The following USP12 variants were observed in gnomAD, a reference collection of about 807,000 sequenced individuals.
USP12 encodes the protein ubiquitin carboxyl-terminal hydrolase 12.
Under a neutral mutation model 45.5 loss-of-function variants are expected in USP12, and 19 were observed. That is an observed-to-expected ratio of 0.42 (90% CI 0.29 to 0.61). The LOEUF is 0.61. Ranked by LOEUF, USP12 falls within the 20% of genes least tolerant of loss-of-function variation. USP12 has a pLI of 0.22. For missense variants in USP12, 242 were observed against 447.7 expected (o/e 0.54, Z 4.15); for synonymous variants, 149 against 148.8 (o/e 1.00, Z -0.01).
intron 1 of USP12, among the ~76,000 whole-genome samples, chr13:27,165,696 A>G (rs1364939427): frequency 6.6e-6 from 1 of 152,218 alleles, no homozygotes; most frequent in Non-Finnish European, 1.5e-5. Context: ...TGGCAAAGAA[A>G]AAAGTGTCAA....
Position 27,105,850 on chromosome 13 carries a change from C to G in USP12, c.224G>C (p.Arg75Thr). 6.2e-7 allele frequency: 1 copy of G among 1,613,714 alleles called. No homozygotes were observed. Among genetic ancestry groups the G allele is most frequent in the Non-Finnish European group, 8.5e-7 (1 of 1,179,786 alleles). The stretch of plus-strand genomic sequence containing the variant: ...GCATGTAAGAAGGCTCTCCTTTTTC[C>G]TAGGTTGACTCTTATACGCAAGAAC... ...EKVLAYKSQP[R>T]KKESLLTCLA... The change falls in exon 3 of 9, where the codon AGG becomes ACG. Residue 75 changes from arginine to threonine, a missense_variant. Transcript: ENST00000282344.
At chr13:27,139,904 T>C (rs892088718) in intron 1 of USP12, among the ~76,000 whole-genome samples, 3 of 152,220 alleles carry the variant, frequency 2.0e-5, no homozygotes, top group Admixed American at 1.3e-4. Flanking sequence ...CCTTTGTTGT[T>C]CACAGACAAT....
intron 2 of USP12, among the ~76,000 whole-genome samples, chr13:27,115,894 A>G (rs1310232137): frequency 6.6e-6 from 1 of 152,220 alleles, no homozygotes; most frequent in African/African-American, 2.4e-5. Flanking sequence ...TCATTCTCAA[A>G]GAATCAAGAG....
chr13:27,153,662 A>G (rs771945875), intron 1 of USP12, among the ~76,000 whole-genome samples: 1 of 152,120 alleles, frequency 6.6e-6, no homozygotes, highest in Non-Finnish European at 1.5e-5. Context: ...CACTTTTCTG[A>G]TACTGTTCTG....
intron 8 of USP12, 135 bp downstream of exon 8, chr13:27,070,936 T>A: frequency 1.4e-6 from 1 of 702,916 alleles, no homozygotes; most frequent in East Asian, 2.9e-5. Context: ...AAGTAGGAAT[T>A]AGACTACAAT....
chr13:27,156,556 G>A (rs1436723694), intron 1 of USP12, among the ~76,000 whole-genome samples: 3 of 152,154 alleles, frequency 2.0e-5, no homozygotes, highest in South Asian at 2.1e-4. Context: ...AGTGGCTCAC[G>A]CCTGTAATCC....
rs74041149 is a variant in USP12, at chr13:27,095,563, T to G, written c.573+38A>C. The G allele has an allele frequency of 1.9e-3, 2,706 of 1,420,330 alleles. 52 individuals carry two copies. In the African/African-American group the frequency reaches 0.034, roughly 18 times the overall value. The allele number at this position is 1,420,330 out of a possible 1,614,324, so 88.0% of individuals were successfully genotyped here. ...AAAGAACAACCTTTAACATAGTAAT[T>G]CAATTTTTCTCTATACAAAATTGTA... is the stretch of plus-strand genomic sequence containing the variant. On this transcript the variant is annotated intron_variant, in intron 4 of 8. Coordinates refer to ENST00000282344, the MANE Select transcript of USP12 (RefSeq NM_182488.4).
intron 1 of USP12, among the ~76,000 whole-genome samples, chr13:27,138,720 C>T (rs952595982): frequency 1.3e-5 from 2 of 152,088 alleles, no homozygotes; most frequent in African/African-American, 4.8e-5. Context: ...CAATTTTTTT[C>T]GTATTTTCAG....
At chr13:27,071,680 T>C (rs192687945) in intron 7 of USP12, among the ~76,000 whole-genome samples, 2 of 152,268 alleles carry the variant, frequency 1.3e-5, no homozygotes, top group African/African-American at 4.8e-5. Context: ...GCAAATGACC[T>C]TTGCTCAATG....
At chr13:27,091,132 AAAG>A (rs1210846225) in intron 4 of USP12, among the ~76,000 whole-genome samples, 2 of 152,152 alleles carry the variant, frequency 1.3e-5, no homozygotes, top group Non-Finnish European at 2.9e-5. Context: ...GTCTGGTGAA[AAAG>A]AAGAGGGAAC....
chr13:27,100,385 C>T (rs976624725), intron 3 of USP12, among the ~76,000 whole-genome samples: 29 of 152,236 alleles, frequency 1.9e-4, no homozygotes, highest in African/African-American at 6.7e-4. Context: ...TCTAAACAAA[C>T]TCCCTCGCCT....
intron 1 of USP12, among the ~76,000 whole-genome samples, chr13:27,118,736 GAAC>G (rs1593194024): frequency 6.6e-6 from 1 of 152,126 alleles, no homozygotes; most frequent in East Asian, 1.9e-4. Flanking sequence ...TACCCATCTA[GAAC>G]AATAAAATAC....
intron 1 of USP12, among the ~76,000 whole-genome samples, chr13:27,146,232 T>C (rs1877301405): frequency 6.6e-6 from 1 of 152,136 alleles, no homozygotes; most frequent in African/African-American, 2.4e-5. Context: ...TGAAACCCTG[T>C]GTCTACTAAA....
intron 7 of USP12, among the ~76,000 whole-genome samples, chr13:27,071,893 ATATAAT>A (rs1315550203): frequency 3.3e-5 from 5 of 152,148 alleles, no homozygotes; most frequent in Admixed American, 6.5e-5. Flanking sequence ...ATAAAGGCTC[ATATAAT>A]TATATTTATT....
At chr13:27,134,291 T>C (rs1876682832) in intron 1 of USP12, among the ~76,000 whole-genome samples, 1 of 152,132 alleles carries the variant, frequency 6.6e-6, no homozygotes, top group South Asian at 2.1e-4. Flanking sequence ...AGCGTTTTGA[T>C]CAAAAGCAGT....
At chr13:27,167,549 T>C (rs1878404609) in intron 1 of USP12, among the ~76,000 whole-genome samples, 1 of 151,960 alleles carries the variant, frequency 6.6e-6, no homozygotes, top group African/African-American at 2.4e-5. Context: ...TTATTTTTTT[T>C]AAAGGCTTAA....
At position 27,171,654 on chromosome 13, in the gene USP12, C is replaced by G; in HGVS notation, c.-15G>C. On this transcript the variant is annotated 5_prime_UTR_variant, in exon 1 of 9. Transcript: ENST00000282344. Reference sequence around the variant, plus strand: ...AGGATTTCCATCCGGCCAGCGCCATCTTCCACCCAATCACAGCGGCGGCGG... The same window carrying G: ...AGGATTTCCATCCGGCCAGCGCCATGTTCCACCCAATCACAGCGGCGGCGG... 7.8e-7 allele frequency: 1 copy of G among 1,278,038 alleles called. No individual in the cohort carries two copies. The highest frequency in any genetic ancestry group is 1.0e-6 in the Non-Finnish European group (1 of 979,774). The allele number at this position is 1,278,038 out of a possible 1,614,324, so 79.2% of individuals were successfully genotyped here.
chr13:27,148,819 T>C (rs375635306), intron 1 of USP12, among the ~76,000 whole-genome samples: 1,064 of 20,392 alleles, frequency 0.052, 8 homozygotes, highest in Non-Finnish European at 0.1. Flanking sequence ...CACACAAAAA[T>C]CAGGTGACAA....
intron 1 of USP12, among the ~76,000 whole-genome samples, chr13:27,167,308 G>GT (rs2137850720): frequency 6.6e-6 from 1 of 152,056 alleles, no homozygotes; most frequent in South Asian, 2.1e-4. Context: ...CCTCTGGGAG[G>GT]TAAAAATTGA....
Sources: gnomAD v4.1 joint callset for allele counts (sites outside exome capture counted in the v4.1 genomes callset) on GRCh38, gnomAD v4.1.1 for gene constraint, MANE v1.5 for transcripts, NCBI Gene and HGNC (gene_info 2026-07-23, HGNC 2026-07-21) for gene names.